RGS6: variants seen among roughly 807,000 people sequenced by gnomAD.
RGS6 encodes the protein regulator of G protein signaling 6.
A neutral mutation model predicts 78.5 loss-of-function variants in RGS6; 30 were observed. That is an observed-to-expected ratio of 0.38 (90% CI 0.29 to 0.52). RGS6 has a LOEUF of 0.52. RGS6 is among the 20% of genes least tolerant of loss of function. The probability of loss-of-function intolerance (pLI) is 0.85; values close to 1 mark genes in which losing one functional copy is unlikely to be tolerated. For synonymous variants in RGS6, 206 were observed against 206.0 expected, an observed-to-expected ratio of 1.00 and a Z score of 0.00; for missense variants, 495 against 609.7, an observed-to-expected ratio of 0.81 and a Z score of 1.98.
chr14:71,918,098 G>A, the RGS6 span, among the ~76,000 whole-genome samples: 2 of 148,058 alleles, frequency 1.4e-5, no homozygotes, highest in South Asian at 2.2e-4. Context: ...GGAGAATGGC[G>A]TGAACCCGGG....
intron 17 of RGS6, among the ~76,000 whole-genome samples, chr14:72,555,314 A>C (rs2097557717): frequency 6.6e-6 from 1 of 152,216 alleles, no homozygotes; most frequent in South Asian, 2.1e-4. Context: ...ACATGCACCA[A>C]GCCATGGTGA....
rs977744810 is a variant in RGS6, at chr14:72,509,142, A to G, written c.966-1012A>G. On this transcript the variant is annotated intron_variant, in intron 13 of 17. Transcript: ENST00000553525. ...CACTTTGGGAGGCTGAGGCGGGTGG[A>G]TCACGAGGTCAGGAGATTGAGACCA... Among the ~76,000 whole-genome samples, 23 of 152,088 alleles carry G rather than the reference A, an allele frequency of 1.5e-4. 1 individual carries two copies. The highest frequency in any genetic ancestry group is 1.1e-3 in the Admixed American group (17 of 15,278).
intron 3 of RGS6, among the ~76,000 whole-genome samples, chr14:72,446,522 C>G (rs1442653959): frequency 6.6e-6 from 1 of 152,170 alleles, no homozygotes; most frequent in Non-Finnish European, 1.5e-5. Flanking sequence ...GCTGTGTTCC[C>G]CAGCCTTTTT....
chr14:72,608,382 ACT>A, the RGS6 span, among the ~76,000 whole-genome samples: 1 of 151,814 alleles, frequency 6.6e-6, no homozygotes, highest in Non-Finnish European at 1.5e-5. Context: ...GACTCTAGAG[ACT>A]CTAGGGGCAG....
intron 2 of RGS6, among the ~76,000 whole-genome samples, chr14:71,975,583 C>T (rs1052336283): frequency 5.3e-5 from 8 of 151,986 alleles, no homozygotes; most frequent in South Asian, 4.2e-4. Context: ...CCCAACCTCC[C>T]GAGTAGCTGG....
chr14:72,546,785 T>G (rs1033839071), intron 17 of RGS6, among the ~76,000 whole-genome samples: 5 of 152,234 alleles, frequency 3.3e-5, no homozygotes, highest in Non-Finnish European at 7.3e-5. Context: ...TTACAGCCAC[T>G]GATTCAGATC....
chr14:72,052,375 C>T (rs897475541), intron 2 of RGS6, among the ~76,000 whole-genome samples: 2 of 152,202 alleles, frequency 1.3e-5, no homozygotes, highest in Admixed American at 6.5e-5. Flanking sequence ...TCCTTACTCT[C>T]ATCCCCCCTC....
At chr14:72,114,827 G>A (rs767245048) in intron 2 of RGS6, among the ~76,000 whole-genome samples, 1 of 152,160 alleles carries the variant, frequency 6.6e-6, no homozygotes, top group Non-Finnish European at 1.5e-5. Context: ...CCAAGTGATC[G>A]AAGGGCTTTT....
At chr14:71,921,502 A>G in the RGS6 span, among the ~76,000 whole-genome samples, 6 of 152,260 alleles carry the variant, frequency 3.9e-5, no homozygotes, top group Non-Finnish European at 8.8e-5. Context: ...AAAGAAATAT[A>G]CAATGGAATA....
chr14:72,385,843 T>C (rs1566692394), intron 3 of RGS6, among the ~76,000 whole-genome samples: 1 of 152,208 alleles, frequency 6.6e-6, no homozygotes, highest in Non-Finnish European at 1.5e-5. Flanking sequence ...GCTCTTTAAT[T>C]TGTCAATATA....
the RGS6 span, among the ~76,000 whole-genome samples, chr14:71,923,372 G>C: frequency 0.34 from 51,374 of 152,022 alleles, 10,164 homozygotes; most frequent in South Asian, 0.44. Flanking sequence ...GCCTTCTAGG[G>C]GTAGGGCATG....
Position 72,054,861 on chromosome 14 carries a change from G to T in RGS6, c.84+89986G>T, listed in dbSNP as rs139098255. 1.3e-3 allele frequency among the ~76,000 whole-genome samples: 204 copies of T among 152,182 alleles called. 2 individuals carry two copies. The highest frequency in any genetic ancestry group is 4.7e-3 in the African/African-American group (195 of 41,520). ...TGCCTGGCTTTGAACTTTATGAAGA[G>T]GTATCATCCCTGGCTTATATGATCT... On this transcript the variant is annotated intron_variant, in intron 2 of 17. Coordinates refer to ENST00000553525, the MANE Select transcript of RGS6 (RefSeq NM_001204424.2).
chr14:72,194,758 A>G (rs1456926308), intron 2 of RGS6, among the ~76,000 whole-genome samples: 2 of 152,180 alleles, frequency 1.3e-5, no homozygotes, highest in Non-Finnish European at 2.9e-5. Context: ...TGGTAAAAAG[A>G]AAAAAATAGA....
intron 2 of RGS6, among the ~76,000 whole-genome samples, chr14:72,184,195 C>T (rs1386016620): frequency 6.6e-6 from 1 of 152,022 alleles, no homozygotes; most frequent in Non-Finnish European, 1.5e-5. Context: ...AGAAACTGGA[C>T]CTCATTCATC....
chr14:72,231,074 T>C (rs971784659), intron 2 of RGS6, among the ~76,000 whole-genome samples: 7 of 152,158 alleles, frequency 4.6e-5, no homozygotes, highest in African/African-American at 1.7e-4. Flanking sequence ...TGGAGGAATC[T>C]TCAGGCTGGG....
chr14:72,510,228 G>A lies in RGS6; in HGVS notation c.1040G>A (p.Arg347Gln), dbSNP rs144184633. 6.5e-4 allele frequency: 1,051 copies of A among 1,614,182 alleles called. No individual in the cohort carries two copies. The highest frequency in any genetic ancestry group is 8.0e-4 in the Non-Finnish European group (949 of 1,180,022). The change falls in exon 14 of 18, where the codon CGG (arginine) becomes CAG (glutamine). Residue 347 changes from arginine (R) to glutamine (Q), a missense_variant. Transcript: ENST00000553525. ...GAGATATTGAAGGACCAGGTGGGGC[G>A]GGACCAGTTTCTACGATTCCTGGAG... is the stretch of plus-strand genomic sequence containing the variant. The part of the protein sequence containing the change: ...FDEILKDQVG[R>Q]DQFLRFLESE...
intron 2 of RGS6, among the ~76,000 whole-genome samples, chr14:72,287,259 A>G (rs2062740366): frequency 6.6e-6 from 1 of 152,182 alleles, no homozygotes; most frequent in South Asian, 2.1e-4. Context: ...TCATCTGCAA[A>G]CAGAGATATT....
At chr14:72,399,186 A>C (rs907519625) in intron 3 of RGS6, among the ~76,000 whole-genome samples, 8 of 147,670 alleles carry the variant, frequency 5.4e-5, no homozygotes, top group South Asian at 2.1e-4. Context: ...GTAGGTCACT[A>C]AGGGCTTGCT....
chr14:72,609,265 A>C, the RGS6 span, among the ~76,000 whole-genome samples: 1 of 152,166 alleles, frequency 6.6e-6, no homozygotes, highest in Non-Finnish European at 1.5e-5. Flanking sequence ...CATCAGCGAC[A>C]GGTCTCCCTC....
Sources: gnomAD v4.1 joint callset for allele counts (sites outside exome capture counted in the v4.1 genomes callset) on GRCh38, gnomAD v4.1.1 for gene constraint, MANE v1.5 for transcripts, NCBI Gene and HGNC (gene_info 2026-07-23, HGNC 2026-07-21) for gene names.